Variants in MTHFD2L observed in about 807,000 individuals in gnomAD.
The protein encoded by MTHFD2L is methylenetetrahydrofolate dehydrogenase (NADP+ dependent) 2 like.
Under a neutral mutation model 34.9 loss-of-function variants are expected in MTHFD2L, and 29 were observed. That is an observed-to-expected ratio of 0.83 (90% CI 0.62 to 1.13). The LOEUF (loss-of-function observed/expected upper bound fraction) is 1.13. MTHFD2L is among the 50% of genes most tolerant of loss of function. MTHFD2L has a pLI of 0.00. For missense variants in MTHFD2L, 481 were observed against 446.5 expected (o/e 1.08, Z -0.70); for synonymous variants, 167 against 155.7 (o/e 1.07, Z -0.54).
At chr4:74,263,444 C>T (rs562516467) in intron 6 of MTHFD2L, among the ~76,000 whole-genome samples, 16 of 152,080 alleles carry the variant, frequency 1.1e-4, no homozygotes, top group Non-Finnish European at 1.6e-4. Flanking sequence ...GATATTGATT[C>T]TTTCTATCCA....
intron 5 of MTHFD2L, among the ~76,000 whole-genome samples, chr4:74,213,106 G>A (rs113849018): frequency 6.6e-6 from 1 of 151,780 alleles, no homozygotes; most frequent in Non-Finnish European, 1.5e-5. Context: ...ACGTGAGATG[G>A]GTCTCCTGAA....
chr4:74,235,904 A>G (rs191567857), intron 6 of MTHFD2L, among the ~76,000 whole-genome samples: 29 of 152,260 alleles, frequency 1.9e-4, no homozygotes, highest in Non-Finnish European at 3.7e-4. Context: ...AATGTATTTG[A>G]TAAACCAAAA....
At chr4:74,157,983 C>G, upstream of MTHFD2L, 1 of 1,176,854 alleles carries the variant, frequency 8.5e-7, no homozygotes, top group Non-Finnish European at 1.2e-6. Context: ...TCCTGGGAAC[C>G]GCTCTTTACC....
upstream of MTHFD2L, chr4:74,157,371 T>G: frequency 3.5e-6 from 1 of 285,384 alleles, no homozygotes; most frequent in South Asian, 3.2e-5. Context: ...TATCTGTGAC[T>G]GTTTTTTGTG....
intron 7 of MTHFD2L, among the ~76,000 whole-genome samples, chr4:74,282,024 G>T (rs1178463308): frequency 1.3e-5 from 2 of 152,042 alleles, no homozygotes; most frequent in South Asian, 4.1e-4. Flanking sequence ...GTTGAAGTCA[G>T]TGTTTTTCAC....
At chr4:74,231,560 A>G (rs2110140462) in intron 6 of MTHFD2L, among the ~76,000 whole-genome samples, 1 of 152,118 alleles carries the variant, frequency 6.6e-6, no homozygotes, top group South Asian at 2.1e-4. Context: ...AGCCTCTGCT[A>G]CTCCACTTAA....
At chr4:74,131,787 T>A (rs932009084) in intron 1 of MTHFD2L, among the ~76,000 whole-genome samples, 4 of 152,024 alleles carry the variant, frequency 2.6e-5, no homozygotes, top group African/African-American at 9.7e-5. Context: ...ATCATCAGAG[T>A]GAACAGGCAA....
chr4:74,164,969 C>T (rs1339448770), intron 1 of MTHFD2L: 2 of 985,068 alleles, frequency 2.0e-6, no homozygotes, highest in Non-Finnish European at 2.4e-6. Flanking sequence ...AATGACAGGG[C>T]ACATCATGTA....
upstream of MTHFD2L, chr4:74,157,568 A>G (rs1560419466): frequency 7.1e-6 from 3 of 419,952 alleles, no homozygotes; most frequent in Non-Finnish European, 4.8e-6. Flanking sequence ...TGGAGATGAT[A>G]AAGTAGAAGT....
chr4:74,292,901 G>T (rs186725757), intron 7 of MTHFD2L, among the ~76,000 whole-genome samples: 80 of 152,046 alleles, frequency 5.3e-4, no homozygotes, highest in Non-Finnish European at 8.4e-4. Context: ...TGCACAATGT[G>T]CAGGTTTCAG....
intron 6 of MTHFD2L, among the ~76,000 whole-genome samples, chr4:74,227,813 C>A (rs1488090922): frequency 3.9e-5 from 6 of 152,070 alleles, no homozygotes; most frequent in Admixed American, 2.0e-4. Flanking sequence ...CTCATGTCTG[C>A]AGTTGTGTCA....
At chr4:74,207,946 G>A (rs769906092) in intron 5 of MTHFD2L, among the ~76,000 whole-genome samples, 3 of 151,912 alleles carry the variant, frequency 2.0e-5, no homozygotes, top group Non-Finnish European at 4.4e-5. Context: ...AAATAGGAAC[G>A]CCTAGGAATG....
chr4:74,215,653 A>G (rs1439877912), intron 5 of MTHFD2L, among the ~76,000 whole-genome samples: 2 of 151,924 alleles, frequency 1.3e-5, no homozygotes, highest in Non-Finnish European at 2.9e-5. Flanking sequence ...CCATCTTGCC[A>G]GTCACCTTCT....
At chr4:74,177,781 A>C (rs1729331534) in intron 3 of MTHFD2L, among the ~76,000 whole-genome samples, 1 of 152,004 alleles carries the variant, frequency 6.6e-6, no homozygotes, top group Non-Finnish European at 1.5e-5. Flanking sequence ...CAGTATGTCA[A>C]AGAGATATCT....
chr4:74,281,641 A>G (rs529276477), intron 7 of MTHFD2L, 91 bp downstream of exon 7: 1 of 1,279,814 alleles, frequency 7.8e-7, no homozygotes, highest in African/African-American at 1.5e-5. Context: ...TTATGGAGGA[A>G]TTATTAACTT....
Position 74,302,449 on chromosome 4 carries a change from AT to A in MTHFD2L, c.*644del, listed in dbSNP as rs1750430447. ...TGCAGTGCTGTTTGGAAGTGTAATG[AT>A]TTTATCACATGGTGAATGACTACTA... On this transcript the variant is annotated 3_prime_UTR_variant, in exon 8 of 8. Transcript: ENST00000325278. 1.3e-5 allele frequency: 2 copies of A among 152,082 alleles called. No homozygotes were observed. The allele number at this position is 152,082 out of a possible 1,614,324, so 9.4% of individuals were successfully genotyped here. A position where few individuals can be genotyped will look rare whatever the true frequency, so the allele number is the denominator to read the frequency against.
chr4:74,189,228 T>C (rs1387473652), intron 3 of MTHFD2L, among the ~76,000 whole-genome samples: 1 of 152,168 alleles, frequency 6.6e-6, no homozygotes, highest in Non-Finnish European at 1.5e-5. Context: ...ATCCAATTTC[T>C]GCACTTGAAG....
upstream of MTHFD2L, among the ~76,000 whole-genome samples, chr4:74,118,833 C>A (rs968940959): frequency 3.9e-5 from 6 of 152,196 alleles, no homozygotes; most frequent in Non-Finnish European, 7.3e-5. Flanking sequence ...CTGAGCTCTG[C>A]CTCCTGTCGG....
chr4:74,232,850 T>C (rs1740284776), intron 6 of MTHFD2L, among the ~76,000 whole-genome samples: 1 of 152,172 alleles, frequency 6.6e-6, no homozygotes, highest in Admixed American at 6.6e-5. Flanking sequence ...CTAATGACTC[T>C]ATAGTATTGA....
Sources: allele counts gnomAD v4.1 joint callset (sites outside exome capture counted in the v4.1 genomes callset), GRCh38; gene constraint gnomAD v4.1.1; transcripts MANE v1.5; gene names NCBI Gene and HGNC (gene_info 2026-07-23, HGNC 2026-07-21).